Variants in HCN2 observed in about 807,000 individuals in gnomAD.
The protein encoded by HCN2 is hyperpolarization activated cyclic nucleotide gated potassium and sodium channel 2, also known as potassium/sodium hyperpolarization-activated cyclic nucleotide-gated channel 2.
Under a neutral mutation model 52.3 loss-of-function variants are expected in HCN2, and 20 were observed. The observed-to-expected ratio is 0.38, with a 90% CI of 0.27 to 0.56. The LOEUF (loss-of-function observed/expected upper bound fraction) is 0.56. HCN2 is among the 20% of genes least tolerant of loss of function. The probability of loss-of-function intolerance (pLI) is 0.71; values close to 1 mark genes in which losing one functional copy is unlikely to be tolerated. For missense variants in HCN2, 981 were observed against 1,207.7 expected, an observed-to-expected ratio of 0.81 and a Z score of 2.78; for synonymous variants, 694 against 537.0, an observed-to-expected ratio of 1.29 and a Z score of -4.04.
At position 590,134 on chromosome 19, in the gene HCN2, G is replaced by A. The variant is rs1489753389; in HGVS notation, c.189G>A (p.Pro63=). 2.7e-5 allele frequency: 25 copies of A among 942,656 alleles called. No homozygotes were observed. Among genetic ancestry groups the A allele is most frequent in the Middle Eastern group, 5.3e-4 (1 of 1,888 alleles). 58.4% of individuals were successfully genotyped at this position (942,656 alleles called of 1,614,324 possible). The change falls in exon 1 of 8, where the codon CCG becomes CCA. Residue 63 remains proline, a synonymous_variant. Coordinates refer to ENST00000251287, the MANE Select transcript of HCN2 (RefSeq NM_001194.4). This position sits in a 1 kb window ranked among gnomAD's most constrained non-coding sequence, Gnocchi z 7.2. The stretch of plus-strand genomic sequence containing the variant: ...CGCCCCGGGCCGAGGCGTTGCCCCC[G>A]GAGGCGGCGGATGAGGGCGGCCCGC... ...QHPPRAEALP[P]EAADEGGPRG...
intron 1 of HCN2, among the ~76,000 whole-genome samples, chr19:596,615 A>AG (rs1191947998): frequency 1.3e-5 from 2 of 152,108 alleles, no homozygotes; most frequent in Non-Finnish European, 2.9e-5. Flanking sequence ...GTGACAGCTG[A>AG]GGGGGGCCTG....
Position 616,560 on chromosome 19 carries a change from C to T in HCN2, c.*86C>T, listed in dbSNP as rs1320280422. The T allele has an allele frequency of 2.1e-5, 17 of 792,706 alleles. No homozygotes were observed. Among genetic ancestry groups the T allele is most frequent in the Non-Finnish European group, 2.6e-5 (16 of 617,018 alleles). The allele number at this position is 792,706 out of a possible 1,614,324, so 49.1% of individuals were successfully genotyped here. A position where few individuals can be genotyped will look rare whatever the true frequency, so the allele number is the denominator to read the frequency against. Reference sequence around the variant, plus strand: ...AGCCATGCCATTGCGCTGCCCCGGCCGCCAGTCCGCCCAGAAGCCATAGAC... The same window carrying T: ...AGCCATGCCATTGCGCTGCCCCGGCTGCCAGTCCGCCCAGAAGCCATAGAC... On this transcript the variant is annotated 3_prime_UTR_variant, in exon 8 of 8. Coordinates refer to ENST00000251287, the MANE Select transcript of HCN2 (RefSeq NM_001194.4).
At chr19:610,730 C>G (rs900525050) in intron 5 of HCN2, among the ~76,000 whole-genome samples, 1 of 152,200 alleles carries the variant, frequency 6.6e-6, no homozygotes, top group Non-Finnish European at 1.5e-5. Context: ...CCTGGGGGCA[C>G]TGAGGCTGAT....
intron 5 of HCN2, among the ~76,000 whole-genome samples, chr19:612,561 C>T (rs921353925): frequency 9.2e-5 from 14 of 151,806 alleles, no homozygotes; most frequent in African/African-American, 3.1e-4. Flanking sequence ...TTACAGGCAC[C>T]CGCCACCACA....
chr19:602,945 CGCCTGGGGGG>C (rs1983256997), intron 1 of HCN2, among the ~76,000 whole-genome samples: 5 of 78,940 alleles, frequency 6.3e-5, no homozygotes, highest in Admixed American at 5.7e-4. Context: ...GTCCTGCAGG[CGCCTGGGGGG>C]AAGGCACCGG....
chr19:602,370 G>A (rs1186145488), intron 1 of HCN2, among the ~76,000 whole-genome samples: 2 of 105,124 alleles, frequency 1.9e-5, no homozygotes, highest in African/African-American at 8.1e-5. Context: ...TCTCCTGCGT[G>A]GACGCCCCAC....
rs1414512247 is a variant in HCN2 at position 616,508 on chromosome 19, C to CG, written c.*39dup. 5.9e-6 allele frequency: 7 copies of CG among 1,182,322 alleles called. No individual in the cohort carries two copies. Among genetic ancestry groups the CG allele is most frequent in the Non-Finnish European group, 6.3e-6 (6 of 948,404 alleles). The allele number at this position is 1,182,322 out of a possible 1,614,324, so 73.2% of individuals were successfully genotyped here. ...GACCGCCCCGCGGGCCCAGGCGGGCCGGGGGCGGGGCCGTCATCCAGACCA... is the reference window on the plus strand; with the variant it reads ...GACCGCCCCGCGGGCCCAGGCGGGCCGGGGGGCGGGGCCGTCATCCAGACCA... On this transcript the variant is annotated 3_prime_UTR_variant, in exon 8 of 8. Transcript: ENST00000251287.
rs1983921981 is a variant in HCN2 at position 616,341 on chromosome 19, C to T, written c.2537C>T (p.Pro846Leu). The T allele has an allele frequency of 3.3e-6, 4 of 1,208,940 alleles. No homozygotes were observed. Among genetic ancestry groups the T allele is most frequent in the Non-Finnish European group, 4.2e-6 (4 of 959,992 alleles). The allele number at this position is 1,208,940 out of a possible 1,614,324, so 74.9% of individuals were successfully genotyped here. The part of the protein sequence containing the change: ...ASTRPASSST[P>L]RLGPTPAARA... ...ACACGCCCGGCCAGCAGCTCCACAC[C>T]GCGCTTGGGGCCCACGCCCGCTGCC... The change falls in exon 8 of 8, where the codon CCG becomes CTG. Residue 846 changes from proline to leucine, a missense_variant. Around this residue, in one of 6 missense-constraint regions of HCN2, gnomAD observed 368 missense variants for 314.8 expected, o/e 1.17. Transcript: ENST00000251287.
rs1600525617 is a variant in HCN2 at position 603,957 on chromosome 19, A to G, written c.1046A>G (p.Gln349Arg). 2.1e-6 allele frequency: 2 copies of G among 938,706 alleles called. No homozygotes were observed. Among genetic ancestry groups the G allele is most frequent in the Non-Finnish European group, 2.9e-6 (2 of 686,548 alleles). The allele number at this position is 938,706 out of a possible 1,614,324, so 58.1% of individuals were successfully genotyped here. The change falls in exon 2 of 8, where the codon CAG becomes CGG. Residue 349 changes from glutamine to arginine, a missense_variant. By Grantham distance (43) the Gln-to-Arg change is conservative. Coordinates refer to ENST00000251287, the MANE Select transcript of HCN2 (RefSeq NM_001194.4). The stretch of plus-strand genomic sequence containing the variant: ...TCACGCCTGATCCGCTACATCCATC[A>G]GTGGGAGGAGGTGAGGTGGGGCGGG... ...RLSRLIRYIH[Q>R]WEEIFHMTYD... is the part of the protein sequence containing the mutation.
Position 617,025 on chromosome 19 carries a change from G to A in HCN2, c.*551G>A, listed in dbSNP as rs924536163. 9.8e-6 allele frequency: 5 copies of A among 508,032 alleles called. No homozygotes were observed. The highest frequency in any genetic ancestry group is 1.8e-5 in the Non-Finnish European group (5 of 277,054). The allele number at this position is 508,032 out of a possible 1,614,324, so 31.5% of individuals were successfully genotyped here. ...GGCAGGCCTGGCTGCGCAGGGCGCG[G>A]GGGGGAGGCTGGGGTCCCGCCGCCG... On this transcript the variant is annotated 3_prime_UTR_variant, in exon 8 of 8. Coordinates refer to ENST00000251287, the MANE Select transcript of HCN2 (RefSeq NM_001194.4).
intron 1 of HCN2, among the ~76,000 whole-genome samples, chr19:596,452 G>A (rs111308044): frequency 6.2e-4 from 94 of 152,340 alleles, no homozygotes; most frequent in African/African-American, 2.2e-3. Context: ...CCCGGCCTCC[G>A]GAGCTGGTCT....
Position 616,763 on chromosome 19 carries a change from G to A in HCN2, c.*289G>A, listed in dbSNP as rs1242606572. The A allele has an allele frequency of 5.0e-6, 1 of 202,008 alleles. No homozygotes were observed. The highest frequency in any genetic ancestry group is 9.9e-6 in the Non-Finnish European group (1 of 101,124). 12.5% of individuals were successfully genotyped at this position (202,008 alleles called of 1,614,324 possible). ...GGTGCCTCAGTTCCCCCAGCTGTAA[G>A]ACAGGGACGGGGCGGCCCAGTGGCT... On this transcript the variant is annotated 3_prime_UTR_variant, in exon 8 of 8. Transcript: ENST00000251287.
chr19:607,889 G>A (rs1036994593), intron 3 of HCN2, 75 bp from the exon 4 acceptor site: 4 of 1,130,032 alleles, frequency 3.5e-6, no homozygotes, highest in East Asian at 2.5e-5. Flanking sequence ...GAGGGTGGGC[G>A]CTGGGCCCTT....
chr19:600,334 G>A (rs995252802), intron 1 of HCN2, among the ~76,000 whole-genome samples: 8 of 151,824 alleles, frequency 5.3e-5, no homozygotes, highest in African/African-American at 7.3e-5. Flanking sequence ...CACCACGCCC[G>A]GCTAATTTTT....
chr19:615,127 G>A (rs1041626209), intron 7 of HCN2, among the ~76,000 whole-genome samples: 1 of 152,092 alleles, frequency 6.6e-6, no homozygotes, highest in Admixed American at 6.5e-5. Context: ...CACACTGGAG[G>A]CAGTCATTAC....
chr19:600,174 G>A (rs1265882265), intron 1 of HCN2, among the ~76,000 whole-genome samples: 1 of 152,036 alleles, frequency 6.6e-6, no homozygotes, highest in African/African-American at 2.4e-5. Context: ...TTTTTGTTTT[G>A]TTGTGTTTTG....
chr19:593,209 A>G (rs1156292517), intron 1 of HCN2, among the ~76,000 whole-genome samples: 7 of 152,178 alleles, frequency 4.6e-5, no homozygotes, highest in Non-Finnish European at 1.0e-4. Flanking sequence ...TCCCAGTCCC[A>G]GTATACAGCA....
Position 616,354 on chromosome 19 carries a change from C to G in HCN2, c.2550C>G (p.Pro850=). 1 of 1,214,982 alleles carries G rather than the reference C, an allele frequency of 8.2e-7. No homozygotes were observed. Among genetic ancestry groups the G allele is most frequent in the Non-Finnish European group, 1.0e-6 (1 of 965,266 alleles). 75.3% of individuals were successfully genotyped at this position (1,214,982 alleles called of 1,614,324 possible). ...GCAGCTCCACACCGCGCTTGGGGCCCACGCCCGCTGCCCGGGCCGCCGCGC... is the reference window on the plus strand; with the variant it reads ...GCAGCTCCACACCGCGCTTGGGGCCGACGCCCGCTGCCCGGGCCGCCGCGC... ...PASSSTPRLG[P]TPAARAAAPS... is the part of the protein sequence containing the mutation. The change falls in exon 8 of 8, where the codon CCC becomes CCG. Residue 850 remains proline, a synonymous_variant. Coordinates refer to ENST00000251287, the MANE Select transcript of HCN2 (RefSeq NM_001194.4).
At chr19:593,580 G>C (rs12972945) in intron 1 of HCN2, among the ~76,000 whole-genome samples, 32,520 of 152,124 alleles carry the variant, frequency 0.21, 6,419 homozygotes, top group African/African-American at 0.53. Context: ...AGATCGCGCT[G>C]CTGCACTCCA....
Sources: gnomAD v4.1 joint callset for allele counts (sites outside exome capture counted in the v4.1 genomes callset) on GRCh38, gnomAD v4.1.1 for gene constraint, gnomAD v4.1.1 regional missense constraint, Gnocchi (gnomAD v3.1) non-coding constraint, MANE v1.5 for transcripts, NCBI Gene and HGNC (gene_info 2026-07-23, HGNC 2026-07-21) for gene names.